The following PLXDC2 variants were observed in gnomAD, a reference collection of about 807,000 sequenced individuals.
PLXDC2 encodes plexin domain containing 2, also known as plexin domain-containing protein 2.
A neutral mutation model predicts 68.9 loss-of-function variants in PLXDC2; 40 were observed. The observed-to-expected ratio is 0.58, with a 90% CI of 0.45 to 0.76. The LOEUF is 0.76. Ranked by LOEUF, PLXDC2 falls within the 30% of genes least tolerant of loss-of-function variation. The pLI is 0.00. For missense variants in PLXDC2, 644 were observed against 661.9 expected, an observed-to-expected ratio of 0.97 and a Z score of 0.30; for synonymous variants, 243 against 234.2, an observed-to-expected ratio of 1.04 and a Z score of -0.34.
intron 10 of PLXDC2, among the ~76,000 whole-genome samples, chr10:20,213,588 T>C (rs562151278): frequency 3.9e-5 from 6 of 152,152 alleles, no homozygotes; most frequent in Non-Finnish European, 8.8e-5. Context: ...TAACATTTTA[T>C]TGGAAATACA....
intron 8 of PLXDC2, 33 bp from the exon 9 acceptor site, chr10:20,177,295 G>T: frequency 6.6e-7 from 1 of 1,523,694 alleles, no homozygotes. Context: ...TTGCCTGTTA[G>T]TCTTGGTGAA....
intron 3 of PLXDC2, among the ~76,000 whole-genome samples, chr10:20,063,152 A>G (rs751771230): frequency 8.5e-5 from 13 of 152,196 alleles, no homozygotes; most frequent in Non-Finnish European, 1.5e-4. Context: ...AAAACTAATG[A>G]TTAATTTATC....
intron 1 of PLXDC2, among the ~76,000 whole-genome samples, chr10:19,915,659 G>A (rs761836037): frequency 1.3e-5 from 2 of 151,810 alleles, no homozygotes; most frequent in Middle Eastern, 3.2e-3. Context: ...TCACTAAGTC[G>A]TTTCTTCCAT....
chr10:20,177,443 T>C, intron 9 of PLXDC2, 34 bp downstream of exon 9: 1 of 1,080,154 alleles, frequency 9.3e-7, no homozygotes, highest in South Asian at 2.6e-5. Context: ...ATAATAAAAT[T>C]TAAAAAGATA....
chr10:20,228,236 A>G (rs1374950869), intron 12 of PLXDC2, among the ~76,000 whole-genome samples: 1 of 152,112 alleles, frequency 6.6e-6, no homozygotes, highest in Non-Finnish European at 1.5e-5. Flanking sequence ...GAAGTTAAGG[A>G]GATGAATTAG....
intron 4 of PLXDC2, among the ~76,000 whole-genome samples, chr10:20,116,370 T>C (rs1057385331): frequency 6.6e-6 from 1 of 152,240 alleles, no homozygotes; most frequent in Non-Finnish European, 1.5e-5. Context: ...ACTTATCTGT[T>C]CTCGGGTTGT....
chr10:20,230,672 C>A (rs184861811), intron 12 of PLXDC2, among the ~76,000 whole-genome samples: 212 of 104,270 alleles, frequency 2.0e-3, no homozygotes, highest in African/African-American at 8.0e-3. Flanking sequence ...CCAGCCTGGG[C>A]TACAGAGTGA....
chr10:19,817,558 C>T (rs984415929), intron 1 of PLXDC2, among the ~76,000 whole-genome samples: 2 of 152,192 alleles, frequency 1.3e-5, no homozygotes, highest in Non-Finnish European at 2.9e-5. Context: ...TCCTTCCTCG[C>T]TGCTGGTTAA....
chr10:19,835,845 C>A (rs1325139186), intron 1 of PLXDC2, among the ~76,000 whole-genome samples: 1 of 151,942 alleles, frequency 6.6e-6, no homozygotes, highest in Non-Finnish European at 1.5e-5. Flanking sequence ...GAGAAGGATG[C>A]AGTAAGGTGG....
At chr10:19,829,552 G>T (rs150099737) in intron 1 of PLXDC2, among the ~76,000 whole-genome samples, 70 of 152,034 alleles carry the variant, frequency 4.6e-4, no homozygotes, top group Admixed American at 1.0e-3. Context: ...TCAGCACTTT[G>T]GAAGGCCTCT....
intron 1 of PLXDC2, among the ~76,000 whole-genome samples, chr10:19,897,675 A>T (rs944307246): frequency 1.3e-5 from 2 of 152,166 alleles, no homozygotes; most frequent in Non-Finnish European, 2.9e-5. Context: ...GTTTTTTTAA[A>T]TGAACACTTA....
intron 1 of PLXDC2, among the ~76,000 whole-genome samples, chr10:19,862,460 A>G (rs1837335690): frequency 6.6e-6 from 1 of 152,210 alleles, no homozygotes; most frequent in South Asian, 2.1e-4. Context: ...GTAGTTATCT[A>G]AAGATTTGCA....
At chr10:20,068,867 C>G (rs1306689421) in intron 4 of PLXDC2, among the ~76,000 whole-genome samples, 1 of 151,996 alleles carries the variant, frequency 6.6e-6, no homozygotes, top group African/African-American at 2.4e-5. Context: ...AATTATCATT[C>G]TTTATTGTAC....
chr10:20,051,699 A>G (rs889466648), intron 3 of PLXDC2, among the ~76,000 whole-genome samples: 1 of 151,968 alleles, frequency 6.6e-6, no homozygotes, highest in Non-Finnish European at 1.5e-5. Flanking sequence ...ATTAGTATAA[A>G]AAACAAATCT....
In PLXDC2 at chr10:19,867,064, C is replaced by CTCT. The variant is rs770522681; in HGVS notation, c.112+49874_112+49875insCTT. On this transcript the variant is annotated intron_variant, in intron 1 of 13. Coordinates refer to ENST00000377252, the MANE Select transcript of PLXDC2 (RefSeq NM_032812.9). ...ATTGGAATTCGGTCCTCCTTTCCCT[C>CTCT]TTTTTTTTTTTTTTTTTTTTGACAG... Among the ~76,000 whole-genome samples, 163 of 124,706 alleles carry CTCT rather than the reference C, an allele frequency of 1.3e-3. 1 individual carries two copies. The highest frequency in any genetic ancestry group is 8.2e-3 in the Middle Eastern group (2 of 244). The allele number at this position is 124,706 out of a possible 152,430, so 81.8% of individuals were successfully genotyped here. A position where few individuals can be genotyped will look rare whatever the true frequency, so the allele number is the denominator to read the frequency against.
rs552951172 is a variant in PLXDC2 at position 20,095,915 on chromosome 10, T to C, written c.541+27676T>C. On this transcript the variant is annotated intron_variant, in intron 4 of 13. Transcript: ENST00000377252. ...AGAGTCAAATGAGTTTGTGTAATGT[T>C]GGGTTAAATGCAAATAAATATTTCT... 1.4e-3 allele frequency among the ~76,000 whole-genome samples: 210 copies of C among 152,326 alleles called. 1 individual carries two copies. The highest frequency in any genetic ancestry group is 1.6e-3 in the Admixed American group (25 of 15,294).
intron 13 of PLXDC2, among the ~76,000 whole-genome samples, chr10:20,271,720 G>A (rs1835943062): frequency 6.6e-6 from 1 of 152,150 alleles, no homozygotes; most frequent in African/African-American, 2.4e-5. Flanking sequence ...AGGCTGGCAG[G>A]AAGTTAAGTG....
intron 3 of PLXDC2, among the ~76,000 whole-genome samples, chr10:20,062,996 A>C (rs1332991590): frequency 6.6e-6 from 1 of 152,166 alleles, no homozygotes; most frequent in Non-Finnish European, 1.5e-5. Flanking sequence ...CTTATATTTG[A>C]AATTGTTTTT....
chr10:20,207,965 T>A (rs1014316757), intron 9 of PLXDC2, among the ~76,000 whole-genome samples: 1 of 152,090 alleles, frequency 6.6e-6, no homozygotes, highest in South Asian at 2.1e-4. Context: ...TGGCAAGGGT[T>A]CTTAGAAAGA....
Sources: allele counts gnomAD v4.1 joint callset (sites outside exome capture counted in the v4.1 genomes callset), GRCh38; gene constraint gnomAD v4.1.1; transcripts MANE v1.5; gene names NCBI Gene and HGNC (gene_info 2026-07-23, HGNC 2026-07-21).